CLSTN2: variants seen among roughly 807,000 people sequenced by gnomAD.
CLSTN2 encodes the protein calsyntenin 2.
In CLSTN2, 48 loss-of-function variants were observed where a neutral mutation model predicts 101.2. The observed-to-expected ratio is 0.47, with a 90% confidence interval of 0.38 to 0.60. The LOEUF is 0.60. CLSTN2 is among the 20% of genes least tolerant of loss of function. CLSTN2 has a pLI of 0.00. For synonymous variants in CLSTN2, 481 were observed against 463.6 expected, an observed-to-expected ratio of 1.04 and a Z score of -0.48; for missense variants, 1,160 against 1,238.2, an observed-to-expected ratio of 0.94 and a Z score of 0.95.
At chr3:140,408,640 A>C (rs2088331018) in intron 4 of CLSTN2, among the ~76,000 whole-genome samples, 1 of 152,128 alleles carries the variant, frequency 6.6e-6, no homozygotes, top group Non-Finnish European at 1.5e-5. Flanking sequence ...TCACTTTTGC[A>C]GTTTCTAGGT....
intron 2 of CLSTN2, among the ~76,000 whole-genome samples, chr3:140,278,936 G>T (rs1559827124): frequency 6.6e-6 from 1 of 152,072 alleles, no homozygotes; most frequent in Non-Finnish European, 1.5e-5. Context: ...TCCTGGACTG[G>T]TCTTGACTCC....
chr3:139,968,073 G>A (rs1055696742), intron 1 of CLSTN2, among the ~76,000 whole-genome samples: 1 of 152,078 alleles, frequency 6.6e-6, no homozygotes, highest in Non-Finnish European at 1.5e-5. Flanking sequence ...TGGTTATTTG[G>A]TTTAGAATAG....
In CLSTN2 at chr3:140,562,190, C is replaced by T. The variant is rs749546519; in HGVS notation, c.2094C>T (p.Asp698=). 4.3e-6 allele frequency: 7 copies of T among 1,614,086 alleles called. No homozygotes were observed. In the East Asian group the frequency reaches 6.7e-5, roughly 15 times the overall value. Residue 698 remains aspartate, a synonymous_variant, in exon 13 of 17, where the codon GAC becomes GAT. Transcript: ENST00000458420. The part of the protein sequence containing the change: ...EEMLHNLDFC[D]ILVIGGDLDP... Reference sequence around the variant, plus strand: ...TGCTTCATAACTTAGATTTCTGTGACATTTTGGTGATCGGAGGGGACTTGG... The same window carrying T: ...TGCTTCATAACTTAGATTTCTGTGATATTTTGGTGATCGGAGGGGACTTGG...
intron 1 of CLSTN2, among the ~76,000 whole-genome samples, chr3:139,960,645 A>G (rs563333600): frequency 3.8e-4 from 58 of 152,300 alleles, no homozygotes; most frequent in African/African-American, 1.4e-3. Flanking sequence ...TTAAGCATTC[A>G]ATCATTTCAT....
chr3:140,150,132 C>A (rs1440751038), intron 1 of CLSTN2, among the ~76,000 whole-genome samples: 4 of 152,226 alleles, frequency 2.6e-5, no homozygotes, highest in Non-Finnish European at 5.9e-5. Flanking sequence ...TGCACTACTA[C>A]TTCCTTTTGT....
In CLSTN2 at chr3:140,055,662, G is replaced by A. The variant is rs150361240; in HGVS notation, c.109+120179G>A. Among the ~76,000 whole-genome samples, 420 of 152,356 alleles carry A rather than the reference G, an allele frequency of 2.8e-3. 2 individuals carry two copies. The highest frequency in any genetic ancestry group is 9.2e-3 in the African/African-American group (384 of 41,582). ...GTACCTACCGTGAAGTAGGTGCTCAGTAAATGTTTCCTTTTTCCTTCTGTC... is the reference window on the plus strand; with the variant it reads ...GTACCTACCGTGAAGTAGGTGCTCAATAAATGTTTCCTTTTTCCTTCTGTC... On this transcript the variant is annotated intron_variant, in intron 1 of 16. Coordinates refer to ENST00000458420, the MANE Select transcript of CLSTN2 (RefSeq NM_022131.3).
In CLSTN2 at chr3:140,193,261, GTT is replaced by G. The variant is rs367933711; in HGVS notation, c.232+17209_232+17210del. Among the ~76,000 whole-genome samples, 141 of 87,390 alleles carry G rather than the reference GTT, an allele frequency of 1.6e-3. No individual in the cohort carries two copies. The East Asian group carries it at 0.018, about 11-fold the overall frequency. The allele number at this position is 87,390 out of a possible 152,430, so 57.3% of individuals were successfully genotyped here. ...ATGCTCCAAGGTTTCCTTTTTTATA[GTT>G]TTTTTTTTTTTTTTTTTTTTGGTTT... On this transcript the variant is annotated intron_variant, in intron 2 of 16. Transcript: ENST00000458420.
intron 2 of CLSTN2, among the ~76,000 whole-genome samples, chr3:140,354,060 GT>G (rs2087639443): frequency 6.6e-6 from 1 of 152,200 alleles, no homozygotes; most frequent in African/African-American, 2.4e-5. Context: ...ATGCTGGCTT[GT>G]TCTGTAATGG....
chr3:140,410,513 T>G (rs1168174299), intron 4 of CLSTN2, among the ~76,000 whole-genome samples: 4 of 151,896 alleles, frequency 2.6e-5, no homozygotes, highest in Non-Finnish European at 5.9e-5. Flanking sequence ...AACAAAAGCT[T>G]AGGGAATTCA....
chr3:140,421,902 G>A (rs901089498), intron 5 of CLSTN2, among the ~76,000 whole-genome samples: 3 of 152,208 alleles, frequency 2.0e-5, no homozygotes, highest in African/African-American at 7.2e-5. Flanking sequence ...GGAAGGTGAG[G>A]ACAGCTGCAT....
chr3:140,116,487 G>T (rs2009244298), intron 1 of CLSTN2, among the ~76,000 whole-genome samples: 1 of 152,126 alleles, frequency 6.6e-6, no homozygotes. Flanking sequence ...ATTGAAAATG[G>T]ACTGGTTTTC....
At chr3:140,511,716 AT>A (rs34793896) in intron 8 of CLSTN2, among the ~76,000 whole-genome samples, 1,527 of 142,272 alleles carry the variant, frequency 0.011, 6 homozygotes, top group Admixed American at 0.012. Flanking sequence ...CACCTGGCTA[AT>A]TTTTTTTTTT....
chr3:139,960,305 C>T (rs1474789068), intron 1 of CLSTN2, among the ~76,000 whole-genome samples: 2 of 152,198 alleles, frequency 1.3e-5, no homozygotes, highest in Non-Finnish European at 2.9e-5. Context: ...TTCACATCTT[C>T]TCTTTCTCAC....
intron 2 of CLSTN2, among the ~76,000 whole-genome samples, chr3:140,391,970 G>A (rs1335508263): frequency 2.0e-5 from 3 of 151,990 alleles, no homozygotes; most frequent in African/African-American, 7.2e-5. Flanking sequence ...TCTAAAGAAG[G>A]TCAAATCCAC....
rs1195998210 is a variant in CLSTN2, at chr3:140,473,754, T to G, written c.1344+7023T>G. Among the ~76,000 whole-genome samples, 5 of 133,964 alleles carry G rather than the reference T, an allele frequency of 3.7e-5. No individual in the cohort carries two copies. The East Asian group carries it at 1.0e-3, about 28-fold the overall frequency. The allele number at this position is 133,964 out of a possible 152,430, so 87.9% of individuals were successfully genotyped here. A position where few individuals can be genotyped will look rare whatever the true frequency, so the allele number is the denominator to read the frequency against. On this transcript the variant is annotated intron_variant, in intron 8 of 16. Coordinates refer to ENST00000458420, the MANE Select transcript of CLSTN2 (RefSeq NM_022131.3). ...ATGGGGGTTTTTTGTGTTTTTTTTT[T>G]GTTGTTGTTGTTTGTTTTTTTGAGA...
chr3:140,213,708 G>A (rs139620060), intron 2 of CLSTN2, among the ~76,000 whole-genome samples: 298 of 152,272 alleles, frequency 2.0e-3, no homozygotes, highest in African/African-American at 6.9e-3. Flanking sequence ...GTGATGGGGA[G>A]AATGCAGGGC....
At chr3:140,196,983 G>A (rs1297802602) in intron 2 of CLSTN2, among the ~76,000 whole-genome samples, 2 of 152,198 alleles carry the variant, frequency 1.3e-5, no homozygotes, top group East Asian at 3.8e-4. Context: ...CTAGGAAAAG[G>A]ATGATAAATA....
At chr3:140,433,614 T>C (rs796137298) in intron 5 of CLSTN2, among the ~76,000 whole-genome samples, 6 of 152,324 alleles carry the variant, frequency 3.9e-5, no homozygotes, top group African/African-American at 1.4e-4. Context: ...TCAAATCCAG[T>C]TCCATTTGAC....
In CLSTN2 at chr3:140,220,414, C is replaced by A. The variant is rs189873048; in HGVS notation, c.232+44341C>A. On this transcript the variant is annotated intron_variant, in intron 2 of 16. Coordinates refer to ENST00000458420, the MANE Select transcript of CLSTN2 (RefSeq NM_022131.3). ...AGCAGGACCATTATTTGGAATTTGG[C>A]CTGTCGTCTTCCTTCTTGAGCCCCA... is the stretch of plus-strand genomic sequence containing the variant. Among the ~76,000 whole-genome samples, 259 of 152,298 alleles carry A rather than the reference C, an allele frequency of 1.7e-3. 4 individuals are homozygous for A. The highest frequency in any genetic ancestry group is 0.015 in the Admixed American group (235 of 15,296).
Sources: gnomAD v4.1 joint callset for allele counts (sites outside exome capture counted in the v4.1 genomes callset) on GRCh38, gnomAD v4.1.1 for gene constraint, MANE v1.5 for transcripts, NCBI Gene and HGNC (gene_info 2026-07-23, HGNC 2026-07-21) for gene names.